The following NOSTRIN variants were observed in gnomAD, a reference collection of about 807,000 sequenced individuals.
NOSTRIN encodes the protein BM247 homolog.
In NOSTRIN, 63 loss-of-function variants were observed where a neutral mutation model predicts 59.0. The ratio of observed to expected loss-of-function variants is 1.07; its 90% CI spans 0.87 to 1.32. The LOEUF is 1.32. Ranked by LOEUF, NOSTRIN falls within the 40% of genes most tolerant of loss-of-function variation. The probability of loss-of-function intolerance (pLI) is 0.00; values close to 1 mark genes in which losing one functional copy is unlikely to be tolerated. For missense variants in NOSTRIN, 512 were observed against 473.1 expected, an observed-to-expected ratio of 1.08 and a Z score of -0.76; for synonymous variants, 200 against 165.4, an observed-to-expected ratio of 1.21 and a Z score of -1.61.
intron 7 of NOSTRIN, among the ~76,000 whole-genome samples, chr2:168,835,061 G>A (rs1338186380): frequency 1.3e-5 from 2 of 151,738 alleles, no homozygotes; most frequent in African/African-American, 2.4e-5. Flanking sequence ...TGCATATTTC[G>A]AATAGTCTTC....
intron 1 of NOSTRIN, chr2:168,787,088 C>G (rs1685224318): frequency 6.6e-6 from 1 of 152,144 alleles, no homozygotes; most frequent in South Asian, 2.1e-4. Context: ...TAAGGATTCG[C>G]TGCTCGTAAC....
At chr2:168,794,353 A>ATTTTTT (rs61395235), upstream of NOSTRIN, among the ~76,000 whole-genome samples, 2 of 141,626 alleles carry the variant, frequency 1.4e-5, no homozygotes, top group Non-Finnish European at 1.5e-5. Flanking sequence ...AAAAGGGATG[A>ATTTTTT]TTTTTTTTTT....
At chr2:168,858,228 G>A (rs1574338521) in intron 12 of NOSTRIN, among the ~76,000 whole-genome samples, 1 of 152,230 alleles carries the variant, frequency 6.6e-6, no homozygotes, top group African/African-American at 2.4e-5. Flanking sequence ...GACACAAGGA[G>A]GGAGAGCATC....
intron 5 of NOSTRIN, 135 bp from the exon 6 acceptor site, chr2:168,831,337 C>A: frequency 1.7e-6 from 1 of 599,518 alleles, no homozygotes; most frequent in East Asian, 2.7e-5. Context: ...TTTCTCAGAG[C>A]CTCCACCTCC....
chr2:168,797,741 G>T (rs746390416), upstream of NOSTRIN, among the ~76,000 whole-genome samples: 1 of 151,814 alleles, frequency 6.6e-6, no homozygotes, highest in African/African-American at 2.4e-5. Flanking sequence ...ACTTTGGGAG[G>T]CCAAGACAGA....
At chr2:168,812,440 T>C (rs1559108021) in intron 2 of NOSTRIN, among the ~76,000 whole-genome samples, 2 of 152,198 alleles carry the variant, frequency 1.3e-5, no homozygotes, top group Non-Finnish European at 2.9e-5. Context: ...TTCTTTTCTG[T>C]CGCTTTTCAA....
upstream of NOSTRIN, among the ~76,000 whole-genome samples, chr2:168,794,007 A>G (rs918528685): frequency 6.6e-6 from 1 of 152,194 alleles, no homozygotes; most frequent in African/African-American, 2.4e-5. Flanking sequence ...GACCTCTTCT[A>G]TATCATATCT....
upstream of NOSTRIN, among the ~76,000 whole-genome samples, chr2:168,800,137 C>G (rs1377814492): frequency 6.6e-6 from 1 of 152,224 alleles, no homozygotes; most frequent in Non-Finnish European, 1.5e-5. Flanking sequence ...CCTCAGCCAA[C>G]AGCTAGCTCC....
intron 1 of NOSTRIN, among the ~76,000 whole-genome samples, chr2:168,808,730 C>A (rs780371161): frequency 3.3e-5 from 5 of 152,156 alleles, no homozygotes; most frequent in Non-Finnish European, 7.4e-5. Flanking sequence ...CAAAAACTTA[C>A]TATGTCCTTG....
intron 2 of NOSTRIN, among the ~76,000 whole-genome samples, chr2:168,791,619 G>T (rs1247262811): frequency 6.6e-6 from 1 of 152,170 alleles, no homozygotes; most frequent in Non-Finnish European, 1.5e-5. Flanking sequence ...CAGTGTAAAA[G>T]TGTTCCTATT....
intron 2 of NOSTRIN, among the ~76,000 whole-genome samples, chr2:168,813,477 T>C (rs1213485482): frequency 6.6e-6 from 1 of 152,076 alleles, no homozygotes; most frequent in Non-Finnish European, 1.5e-5. Context: ...TATCCCCACC[T>C]TGCCACCGAC....
At chr2:168,814,854 C>A (rs1299742962) in intron 2 of NOSTRIN, among the ~76,000 whole-genome samples, 1 of 152,180 alleles carries the variant, frequency 6.6e-6, no homozygotes, top group African/African-American at 2.4e-5. Context: ...TTGCTTGAGG[C>A]CAGGAGTTTG....
rs776423986 is a variant in NOSTRIN, at chr2:168,855,494, G to C, written c.964+34G>C. On this transcript the variant is annotated intron_variant, in intron 11 of 15. Coordinates refer to ENST00000317647, the MANE Select transcript of NOSTRIN (RefSeq NM_001039724.4). ...CCATCTCTTTGAATGGCCAGAAAAGGGACCATATGATGCTCAGAGGTTTCA... is the reference window on the plus strand; with the variant it reads ...CCATCTCTTTGAATGGCCAGAAAAGCGACCATATGATGCTCAGAGGTTTCA... 2.5e-6 allele frequency: 3 copies of C among 1,202,250 alleles called. No individual in the cohort carries two copies. The Admixed American group carries it at 5.3e-5, about 21-fold the overall frequency. The allele number at this position is 1,202,250 out of a possible 1,614,324, so 74.5% of individuals were successfully genotyped here. A position where few individuals can be genotyped will look rare whatever the true frequency, so the allele number is the denominator to read the frequency against.
intron 1 of NOSTRIN, among the ~76,000 whole-genome samples, chr2:168,805,808 A>T (rs1685821751): frequency 1.3e-5 from 2 of 152,206 alleles, no homozygotes; most frequent in African/African-American, 4.8e-5. Context: ...ACTAACTCAG[A>T]TGGTGCCGGT....
intron 2 of NOSTRIN, among the ~76,000 whole-genome samples, chr2:168,822,569 A>T (rs1411052953): frequency 6.6e-6 from 1 of 152,258 alleles, no homozygotes; most frequent in African/African-American, 2.4e-5. Context: ...AGACTGAAAA[A>T]TGCAATGAAA....
At chr2:168,834,044 T>G in intron 6 of NOSTRIN, 183 bp from the exon 7 acceptor site, 1 of 532,892 alleles carries the variant, frequency 1.9e-6, no homozygotes, top group East Asian at 3.0e-5. Flanking sequence ...TTTAGGTACA[T>G]TTTGAAGTGA....
chr2:168,817,847 C>T (rs1432213120), intron 2 of NOSTRIN, among the ~76,000 whole-genome samples: 1 of 152,208 alleles, frequency 6.6e-6, no homozygotes, highest in East Asian at 1.9e-4. Context: ...AGTGAGCCAG[C>T]CACTCCAATG....
intron 10 of NOSTRIN, among the ~76,000 whole-genome samples, chr2:168,853,947 A>T (rs576632332): frequency 3.9e-5 from 6 of 152,200 alleles, no homozygotes; most frequent in African/African-American, 1.4e-4. Flanking sequence ...AGCTCACTGC[A>T]ACCTCTGCCT....
Position 168,851,290 on chromosome 2 carries a change from G to C in NOSTRIN, c.741G>C (p.Gln247His). 1 of 1,613,786 alleles carries C rather than the reference G, an allele frequency of 6.2e-7. No homozygotes were observed. Residue 247 changes from glutamine (Q) to histidine (H), a missense_variant, in exon 10 of 16, where the codon CAG becomes CAC. Transcript: ENST00000317647. ...FGQTLTTCHT[Q>H]IHCAISKIDI... ...CCTTGGCATTGCAGTGCCACACGCA[G>C]ATTCACTGTGCCATCAGCAAGATTG...
Sources: allele counts gnomAD v4.1 joint callset (sites outside exome capture counted in the v4.1 genomes callset), GRCh38; gene constraint gnomAD v4.1.1; transcripts MANE v1.5; gene names NCBI Gene and HGNC (gene_info 2026-07-23, HGNC 2026-07-21).